Variants in CYFIP1 observed in about 807,000 individuals in gnomAD.
The protein encoded by CYFIP1 is cytoplasmic FMR1-interacting protein 1.
In CYFIP1, 58 loss-of-function variants were observed where a neutral mutation model predicts 163.5. The observed-to-expected ratio is 0.35, with a 90% CI of 0.29 to 0.44. The LOEUF is 0.44. Ranked by LOEUF, CYFIP1 falls within the 20% of genes least tolerant of loss-of-function variation. The probability of loss-of-function intolerance (pLI) is 1.00; values close to 1 mark genes in which losing one functional copy is unlikely to be tolerated. For synonymous variants in CYFIP1, 663 were observed against 660.7 expected, an observed-to-expected ratio of 1.00 and a Z score of -0.05; for missense variants, 1,338 against 1,653.8, an observed-to-expected ratio of 0.81 and a Z score of 3.31.
intron 23 of CYFIP1, among the ~76,000 whole-genome samples, chr15:22,892,279 G>A (rs1211800569): frequency 6.6e-6 from 1 of 152,084 alleles, no homozygotes; most frequent in Non-Finnish European, 1.5e-5. Flanking sequence ...TAAATCACAC[G>A]GGTGCTTGAA....
intron 18 of CYFIP1, 138 bp from the exon 19 acceptor site, chr15:22,910,951 C>T (rs550392888): frequency 2.6e-6 from 2 of 754,906 alleles, no homozygotes; most frequent in South Asian, 3.5e-5. Flanking sequence ...GCTCTGTTGC[C>T]CAGGCTGGAG....
chr15:22,888,508 A>T (rs1595521609), intron 23 of CYFIP1, among the ~76,000 whole-genome samples: 1 of 146,398 alleles, frequency 6.8e-6, no homozygotes. Context: ...CAGGCAGGAG[A>T]TCTGATTGAG....
At chr15:22,883,483 C>T (rs2059830710) in intron 23 of CYFIP1, among the ~76,000 whole-genome samples, 1 of 151,986 alleles carries the variant, frequency 6.6e-6, no homozygotes, top group Admixed American at 6.6e-5. Flanking sequence ...TTTCACACTG[C>T]TATAGAGAAA....
chr15:22,913,677 G>A (rs1013486655), intron 17 of CYFIP1, among the ~76,000 whole-genome samples: 13 of 144,158 alleles, frequency 9.0e-5, no homozygotes, highest in Non-Finnish European at 3.0e-5. Context: ...AGCATGTCCA[G>A]CATGGCCCAT....
intron 1 of CYFIP1, among the ~76,000 whole-genome samples, chr15:22,962,439 C>T (rs939978695): frequency 2.7e-5 from 4 of 148,230 alleles, no homozygotes; most frequent in African/African-American, 1.0e-4. Flanking sequence ...GCTCTTGTTG[C>T]CCACGCTGGA....
At chr15:22,945,116 G>A (rs2289823) in intron 3 of CYFIP1, among the ~76,000 whole-genome samples, 177 bp from the exon 4 acceptor site, 37,589 of 152,042 alleles carry the variant, frequency 0.25, 5,252 homozygotes, top group African/African-American at 0.38. Flanking sequence ...GGGCCACAAT[G>A]ACCACCCAAA....
intron 6 of CYFIP1, among the ~76,000 whole-genome samples, chr15:22,941,368 G>T (rs62011561): frequency 9.9e-5 from 15 of 152,204 alleles, no homozygotes; most frequent in Non-Finnish European, 2.1e-4. Flanking sequence ...GGCCATGTTT[G>T]CTTTATTGAT....
At chr15:22,958,287 T>C (rs1411481921) in intron 1 of CYFIP1, among the ~76,000 whole-genome samples, 1 of 152,100 alleles carries the variant, frequency 6.6e-6, no homozygotes, top group Non-Finnish European at 1.5e-5. Context: ...GGTTTCACCA[T>C]GTTGGTCAGG....
chr15:22,960,240 C>A (rs927285243), intron 1 of CYFIP1, among the ~76,000 whole-genome samples: 2 of 152,238 alleles, frequency 1.3e-5, no homozygotes, highest in Admixed American at 1.3e-4. Flanking sequence ...AAGGGTCCTG[C>A]TGTCAAGACA....
intron 1 of CYFIP1, among the ~76,000 whole-genome samples, chr15:22,969,017 G>A (rs574938353): frequency 1.3e-5 from 2 of 152,276 alleles, no homozygotes; most frequent in African/African-American, 4.8e-5. Flanking sequence ...CATCCCCACT[G>A]TCCTGGCCAG....
chr15:22,952,708 T>C (rs917965122), intron 1 of CYFIP1, among the ~76,000 whole-genome samples: 1 of 139,498 alleles, frequency 7.2e-6, no homozygotes, highest in Non-Finnish European at 1.5e-5. Context: ...ATGTTATGCA[T>C]GCATATTTTA....
At chr15:22,922,310 C>T (rs1256705345) in intron 13 of CYFIP1, among the ~76,000 whole-genome samples, 3 of 152,176 alleles carry the variant, frequency 2.0e-5, no homozygotes, top group Non-Finnish European at 2.9e-5. Flanking sequence ...ACGTGACTGG[C>T]CCCCAGTAAA....
intron 22 of CYFIP1, among the ~76,000 whole-genome samples, chr15:22,896,173 T>C (rs965397152): frequency 6.6e-6 from 1 of 152,078 alleles, no homozygotes. Flanking sequence ...AGTTTGACAA[T>C]GTCACTGCAA....
rs1289238350 is a variant in CYFIP1 at position 22,868,885 on chromosome 15, T to TATC, written c.*1140_*1142dup. On this transcript the variant is annotated 3_prime_UTR_variant, in exon 31 of 31. Transcript: ENST00000617928. ...CAGTTAATCATGCTGGACTTGTGTT[T>TATC]ATCTGTAGTATTCATCTACAATAAA... The TATC allele has an allele frequency of 1.3e-5, 2 of 152,118 alleles. No individual in the cohort carries two copies. Among genetic ancestry groups the TATC allele is most frequent in the East Asian group, 1.9e-4 (1 of 5,184 alleles). The allele number at this position is 152,118 out of a possible 1,614,324, so 9.4% of individuals were successfully genotyped here.
rs2061036959 is a variant in CYFIP1 at position 22,917,745 on chromosome 15, C to G, written c.1674+43G>C. 3 of 1,504,928 alleles carry G rather than the reference C, an allele frequency of 2.0e-6. No homozygotes were observed. The highest frequency in any genetic ancestry group is 3.1e-5 in the African/African-American group (2 of 64,760). The allele number at this position is 1,504,928 out of a possible 1,614,324, so 93.2% of individuals were successfully genotyped here. A position where few individuals can be genotyped will look rare whatever the true frequency, so the allele number is the denominator to read the frequency against. ...CACCCGCTCACAGCTCAGGGTGGGT[C>G]CCCCCAGGGAGAGGGTGCAGGCGGG... On this transcript the variant is annotated intron_variant, in intron 15 of 30. Coordinates refer to ENST00000617928, the MANE Select transcript of CYFIP1 (RefSeq NM_014608.6). This position sits in a 1 kb window ranked among gnomAD's most constrained non-coding sequence, Gnocchi z 4.2.
At chr15:22,921,054 AC>A (rs1204455915) in intron 13 of CYFIP1, among the ~76,000 whole-genome samples, 1 of 151,630 alleles carries the variant, frequency 6.6e-6, no homozygotes, top group Non-Finnish European at 1.5e-5. Context: ...AGCAAAATAA[AC>A]CCCCCCAAAA....
At position 22,874,788 on chromosome 15, in the gene CYFIP1, G is replaced by A. The variant is rs577773941; in HGVS notation, c.3116-144C>T. Reference sequence around the variant, plus strand: ...TCTTTGAAAATTATTTTACAGAACTGGCTCATTTAATATTTTAATTCAAAC... The same window carrying A: ...TCTTTGAAAATTATTTTACAGAACTAGCTCATTTAATATTTTAATTCAAAC... On this transcript the variant is annotated intron_variant, in intron 27 of 30. Coordinates refer to ENST00000617928, the MANE Select transcript of CYFIP1 (RefSeq NM_014608.6). The A allele has an allele frequency of 9.8e-6, 6 of 610,722 alleles. No individual in the cohort carries two copies. In the East Asian group the frequency reaches 1.8e-4, roughly 19 times the overall value. 37.8% of individuals were successfully genotyped at this position (610,722 alleles called of 1,614,324 possible).
Position 22,944,649 on chromosome 15 carries a change from T to G in CYFIP1, c.296A>C (p.Asn99Thr). 1.2e-6 allele frequency: 2 copies of G among 1,613,628 alleles called. No homozygotes were observed. Among genetic ancestry groups the G allele is most frequent in the East Asian group, 4.5e-5 (2 of 44,880 alleles). Residue 99 changes from asparagine (N) to threonine (T), a missense_variant, in exon 5 of 31, where the codon AAC (asparagine) becomes ACC (threonine). Physicochemically the swap from Asn to Thr is moderately conservative, Grantham distance 65. This residue lies in a region of CYFIP1 where 186 missense variants were observed against 288.3 expected (regional missense o/e 0.65). Transcript: ENST00000617928. The part of the protein sequence containing the change: ...CSRAIPQVKC[N>T]EQPNRVEIYE... Reference sequence around the variant, plus strand: ...GATTTCCACTCTGTTAGGCTGCTCGTTACATTTCACCTGGGAATAAAGGAA... The same window carrying G: ...GATTTCCACTCTGTTAGGCTGCTCGGTACATTTCACCTGGGAATAAAGGAA...
Position 22,916,625 on chromosome 15 carries a change from G to A in CYFIP1, c.1680C>T (p.Tyr560=). ...GGGACTCTAGCATGGTTCTCACCAT[G>A]TAAAGCTGGATTATCCAAGGAAACA... ...RAVGPSSTQL[Y]MVRTMLESLI... The change falls in exon 16 of 31, where the codon TAC becomes TAT. Residue 560 remains tyrosine (Y), a synonymous_variant. Coordinates refer to ENST00000617928, the MANE Select transcript of CYFIP1 (RefSeq NM_014608.6). 6.2e-7 allele frequency: 1 copy of A among 1,614,112 alleles called. No individual in the cohort carries two copies. The highest frequency in any genetic ancestry group is 8.5e-7 in the Non-Finnish European group (1 of 1,180,008).
Sources: gnomAD v4.1 joint callset for allele counts (sites outside exome capture counted in the v4.1 genomes callset) on GRCh38, gnomAD v4.1.1 for gene constraint, gnomAD v4.1.1 regional missense constraint, Gnocchi (gnomAD v3.1) non-coding constraint, MANE v1.5 for transcripts, NCBI Gene and HGNC (gene_info 2026-07-23, HGNC 2026-07-21) for gene names.